Variants in FOCAD observed in about 807,000 individuals in gnomAD.
The protein encoded by FOCAD is KIAA1797.
Under a neutral mutation model 225.6 loss-of-function variants are expected in FOCAD, and 198 were observed. That is an observed-to-expected ratio of 0.88 (90% CI 0.78 to 0.99). The LOEUF (loss-of-function observed/expected upper bound fraction) is 0.99, where lower values mean the gene tolerates loss of function less well. FOCAD is among the 50% of genes least tolerant of loss of function. The probability of loss-of-function intolerance (pLI) is 0.00; values close to 1 mark genes in which losing one functional copy is unlikely to be tolerated. For synonymous variants in FOCAD, 897 were observed against 755.0 expected (o/e 1.19, Z -3.08); for missense variants, 2,713 against 2,123.6 (o/e 1.28, Z -5.46).
chr9:20,948,995 C>A, intron 32 of FOCAD, 67 bp downstream of exon 32: 2 of 1,439,822 alleles, frequency 1.4e-6, no homozygotes, highest in African/African-American at 1.4e-5. Context: ...GAGAAGAATA[C>A]CCAGTGTTTT....
At chr9:20,820,271 G>T in intron 12 of FOCAD, 53 bp from the exon 13 acceptor site, 1 of 1,356,814 alleles carries the variant, frequency 7.4e-7, no homozygotes, top group Non-Finnish European at 1.0e-6. Flanking sequence ...TGGTAACCTC[G>T]AGGTTGTCTG....
At chr9:20,944,201 T>C (rs1836946328) in intron 28 of FOCAD, among the ~76,000 whole-genome samples, 1 of 152,212 alleles carries the variant, frequency 6.6e-6, no homozygotes, top group Non-Finnish European at 1.5e-5. Flanking sequence ...TATCCTCAGC[T>C]CACATCCTGA....
chr9:20,753,930 T>A (rs963697111), intron 5 of FOCAD, among the ~76,000 whole-genome samples: 17 of 152,212 alleles, frequency 1.1e-4, no homozygotes, highest in Non-Finnish European at 2.2e-4. Context: ...TTGAATAAAG[T>A]GTTGTTAGGC....
At chr9:20,893,835 A>G (rs552917664) in intron 21 of FOCAD, among the ~76,000 whole-genome samples, 36 of 152,198 alleles carry the variant, frequency 2.4e-4, no homozygotes, top group African/African-American at 8.7e-4. Context: ...CCAGAGTGGT[A>G]TATTTGTTAC....
chr9:20,807,224 G>T (rs1016166764), intron 11 of FOCAD, among the ~76,000 whole-genome samples: 1 of 152,176 alleles, frequency 6.6e-6, no homozygotes, highest in Non-Finnish European at 1.5e-5. Flanking sequence ...TTCCAGGAGC[G>T]GTGCTAGACT....
intron 35 of FOCAD, among the ~76,000 whole-genome samples, chr9:20,958,427 T>A (rs376928545): frequency 6.6e-6 from 1 of 152,258 alleles, no homozygotes; most frequent in East Asian, 1.9e-4. Context: ...TGATGAATAA[T>A]TATACATATT....
At chr9:20,960,075 A>G (rs1276778211) in intron 35 of FOCAD, among the ~76,000 whole-genome samples, 1 of 152,162 alleles carries the variant, frequency 6.6e-6, no homozygotes, top group Non-Finnish European at 1.5e-5. Context: ...TAGAAAAACA[A>G]TCTCATCTAG....
chr9:20,913,617 A>G (rs1237335466), intron 23 of FOCAD, among the ~76,000 whole-genome samples: 3 of 152,348 alleles, frequency 2.0e-5, no homozygotes, highest in Admixed American at 6.5e-5. Context: ...TCCGAAGATT[A>G]TTTAATTATA....
At chr9:20,716,533 G>A (rs1341629268) in intron 2 of FOCAD, among the ~76,000 whole-genome samples, 1 of 152,150 alleles carries the variant, frequency 6.6e-6, no homozygotes, top group East Asian at 1.9e-4. Context: ...GGGGAATGGG[G>A]AATTAAGCTT....
chr9:20,685,151 A>C (rs10117757), intron 1 of FOCAD, among the ~76,000 whole-genome samples: 32,273 of 151,120 alleles, frequency 0.21, 3,739 homozygotes, highest in African/African-American at 0.31. Context: ...CCTGCGTTTT[A>C]TTCCAGTTTA....
intron 4 of FOCAD, among the ~76,000 whole-genome samples, chr9:20,721,288 T>G (rs1207953258): frequency 6.6e-6 from 1 of 152,204 alleles, no homozygotes; most frequent in Non-Finnish European, 1.5e-5. Flanking sequence ...TCCCTCCTCC[T>G]TGGTGAAGCT....
chr9:20,933,025 G>A lies in FOCAD; in HGVS notation c.3329G>A (p.Gly1110Asp), dbSNP rs1357056522. The A allele has an allele frequency of 6.2e-7, 1 of 1,613,208 alleles. No homozygotes were observed. The highest frequency in any genetic ancestry group is 2.2e-5 in the East Asian group (1 of 44,818). ...TGATCTTTAACCAGTGATATATCTGGCCAAGAGATGAACCTTCTTCTGATG... is the reference window on the plus strand; with the variant it reads ...TGATCTTTAACCAGTGATATATCTGACCAAGAGATGAACCTTCTTCTGATG... The part of the protein sequence containing the change: ...LCEEKLSDIS[G>D]QEMNLLLMKS... Residue 1110 changes from glycine to aspartate, a missense_variant, in exon 28 of 44, where the codon GGC becomes GAC. Coordinates refer to ENST00000338382, the MANE Select transcript of FOCAD (RefSeq NM_001375567.1).
chr9:20,983,726 C>T (rs533877093), intron 39 of FOCAD, among the ~76,000 whole-genome samples: 42 of 152,194 alleles, frequency 2.8e-4, no homozygotes, highest in Non-Finnish European at 4.7e-4. Flanking sequence ...GCTAGCAATG[C>T]GATCTTGGTT....
chr9:20,675,721 C>A (rs1822212469), intron 2 of FOCAD, among the ~76,000 whole-genome samples: 1 of 152,118 alleles, frequency 6.6e-6, no homozygotes, highest in South Asian at 2.1e-4. Flanking sequence ...AATTTTTTCC[C>A]AAGAAAATAA....
intron 11 of FOCAD, among the ~76,000 whole-genome samples, chr9:20,815,688 A>G (rs894207663): frequency 6.6e-6 from 1 of 152,076 alleles, no homozygotes; most frequent in African/African-American, 2.4e-5. Flanking sequence ...AGGGAAGAGA[A>G]AGCATTGAGT....
intron 11 of FOCAD, among the ~76,000 whole-genome samples, chr9:20,792,400 A>G (rs532896161): frequency 3.3e-5 from 5 of 152,350 alleles, no homozygotes; most frequent in African/African-American, 9.6e-5. Flanking sequence ...TTTATAAAAT[A>G]GAATATGCCA....
chr9:20,931,526 A>AT (rs1835470466), intron 27 of FOCAD, among the ~76,000 whole-genome samples: 1 of 152,142 alleles, frequency 6.6e-6, no homozygotes, highest in African/African-American at 2.4e-5. Flanking sequence ...GAAAGTTTAA[A>AT]TTTTTTTCTA....
intron 25 of FOCAD, among the ~76,000 whole-genome samples, chr9:20,925,883 A>C (rs1285346552): frequency 1.3e-5 from 2 of 152,236 alleles, no homozygotes; most frequent in African/African-American, 4.8e-5. Context: ...GTTGATCTGA[A>C]TTCTGTGGGC....
intron 7 of FOCAD, among the ~76,000 whole-genome samples, chr9:20,768,131 G>A: frequency 6.7e-6 from 1 of 149,016 alleles, no homozygotes; most frequent in African/African-American, 2.5e-5. Context: ...AGATCAGATA[G>A]TTGTAGATAT....
Sources: allele counts gnomAD v4.1 joint callset (sites outside exome capture counted in the v4.1 genomes callset), GRCh38; gene constraint gnomAD v4.1.1; transcripts MANE v1.5; gene names NCBI Gene and HGNC (gene_info 2026-07-23, HGNC 2026-07-21).